Variants in BRD10 observed in about 807,000 individuals in gnomAD.
The protein encoded by BRD10 is uncharacterized bromodomain-containing protein 10.
At chr9:5,880,141 A>C in the BRD10 span, among the ~76,000 whole-genome samples, 1 of 150,086 alleles carries the variant, frequency 6.7e-6, no homozygotes, top group Non-Finnish European at 1.5e-5. Flanking sequence ...GGCTGGTCTC[A>C]CTCCTGACCT....
chr9:5,985,050 T>C, the BRD10 span, among the ~76,000 whole-genome samples: 1 of 151,788 alleles, frequency 6.6e-6, no homozygotes, highest in Non-Finnish European at 1.5e-5. Flanking sequence ...AGTGCTAACA[T>C]AAAGATACAC....
the BRD10 span, chr9:5,892,676 C>A: frequency 1.4e-6 from 1 of 717,132 alleles, no homozygotes; most frequent in Non-Finnish European, 2.2e-6. Context: ...ACAGTAACAT[C>A]CCTGGCAACA....
the BRD10 span, among the ~76,000 whole-genome samples, chr9:5,954,386 C>T: frequency 3.6e-3 from 554 of 152,312 alleles, 1 homozygote; most frequent in Middle Eastern, 6.8e-3. Context: ...AAAAAAGTCA[C>T]ATTACTACTG....
the BRD10 span, among the ~76,000 whole-genome samples, chr9:6,006,167 A>G: frequency 2.6e-5 from 4 of 152,330 alleles, no homozygotes; most frequent in African/African-American, 9.6e-5. Context: ...AATGGCTAAC[A>G]CTTATACTTG....
chr9:5,905,102 G>A, the BRD10 span, among the ~76,000 whole-genome samples: 1 of 151,966 alleles, frequency 6.6e-6, no homozygotes, highest in Non-Finnish European at 1.5e-5. Flanking sequence ...TTTTTCAGTG[G>A]TTTCCCTAGA....
chr9:5,974,973 G>T, the BRD10 span, among the ~76,000 whole-genome samples: 1 of 152,124 alleles, frequency 6.6e-6, no homozygotes, highest in South Asian at 2.1e-4. Flanking sequence ...TGCATTCCAG[G>T]AAAAAGCTCA....
At chr9:5,927,232 C>T in the BRD10 span, among the ~76,000 whole-genome samples, 1 of 152,110 alleles carries the variant, frequency 6.6e-6, no homozygotes, top group Non-Finnish European at 1.5e-5. Context: ...ATGCTCACAC[C>T]TCATCTGCAA....
At chr9:5,940,358 C>T in the BRD10 span, among the ~76,000 whole-genome samples, 6 of 152,010 alleles carry the variant, frequency 3.9e-5, no homozygotes, top group Non-Finnish European at 8.8e-5. Flanking sequence ...TACAGCCTGG[C>T]TAATTTTTGT....
the BRD10 span, chr9:6,007,733 G>A: frequency 6.3e-7 from 1 of 1,598,670 alleles, no homozygotes; most frequent in Non-Finnish European, 8.5e-7. Flanking sequence ...GCCGGTGGCG[G>A]CCGCTCTTCC....
chr9:5,910,894 G>C, the BRD10 span, among the ~76,000 whole-genome samples: 1 of 152,164 alleles, frequency 6.6e-6, no homozygotes, highest in Non-Finnish European at 1.5e-5. Context: ...GATGCAAGGA[G>C]CCTGGGTCAT....
chr9:5,906,179 T>C, the BRD10 span, among the ~76,000 whole-genome samples: 2 of 145,180 alleles, frequency 1.4e-5, no homozygotes, highest in Non-Finnish European at 3.0e-5. Flanking sequence ...AGCAAGATCA[T>C]GTCTCTTAAA....
At chr9:5,883,245 T>A in the BRD10 span, among the ~76,000 whole-genome samples, 2 of 152,208 alleles carry the variant, frequency 1.3e-5, no homozygotes, top group Non-Finnish European at 2.9e-5. Flanking sequence ...ACCATTGCAA[T>A]GCTTTATTCC....
At chr9:5,919,764 A>G in the BRD10 span, 6 of 1,613,772 alleles carry the variant, frequency 3.7e-6, no homozygotes, top group East Asian at 8.9e-5. Flanking sequence ...CGACTGGCAG[A>G]TACAACAATC....
At chr9:5,905,134 C>T in the BRD10 span, among the ~76,000 whole-genome samples, 7 of 152,256 alleles carry the variant, frequency 4.6e-5, no homozygotes, top group African/African-American at 1.7e-4. Context: ...ACATTTACAA[C>T]TAATTCAAAT....
chr9:5,954,139 C>T, the BRD10 span: 1 of 1,092,070 alleles, frequency 9.2e-7, no homozygotes, highest in South Asian at 1.4e-5. Flanking sequence ...CTGTTTATAG[C>T]ACTTCATTAA....
the BRD10 span, among the ~76,000 whole-genome samples, chr9:5,964,491 A>G: frequency 2.1e-5 from 3 of 145,558 alleles, no homozygotes; most frequent in South Asian, 4.5e-4. Context: ...TGTGGAAGTC[A>G]GTGTGGCGAT....
chr9:5,985,972 T>C, the BRD10 span, among the ~76,000 whole-genome samples: 2 of 152,078 alleles, frequency 1.3e-5, no homozygotes, highest in African/African-American at 4.8e-5. Flanking sequence ...TTAAAAATTA[T>C]TATTATTATT....
At chr9:5,986,805 T>G in the BRD10 span, among the ~76,000 whole-genome samples, 1 of 152,224 alleles carries the variant, frequency 6.6e-6, no homozygotes, top group African/African-American at 2.4e-5. Context: ...ACACATAGAT[T>G]GATTCATATT....
chr9:5,997,567 A>C, the BRD10 span, among the ~76,000 whole-genome samples: 1 of 152,208 alleles, frequency 6.6e-6, no homozygotes, highest in Non-Finnish European at 1.5e-5. Flanking sequence ...AGTTAGATCC[A>C]AGTACACCAG....
Sources: gnomAD v4.1 joint callset for allele counts (sites outside exome capture counted in the v4.1 genomes callset) on GRCh38, gnomAD v4.1.1 for gene constraint, MANE v1.5 for transcripts, NCBI Gene and HGNC (gene_info 2026-07-23, HGNC 2026-07-21) for gene names.